KLHL1: variants seen among roughly 807,000 people sequenced by gnomAD.
The protein encoded by KLHL1 is kelch like family member 1.
A neutral mutation model predicts 77.7 loss-of-function variants in KLHL1; 47 were observed. The observed-to-expected ratio is 0.60, with a 90% CI of 0.48 to 0.77. The LOEUF (loss-of-function observed/expected upper bound fraction) is 0.77, where lower values mean the gene tolerates loss of function less well. Ranked by LOEUF, KLHL1 falls within the 30% of genes least tolerant of loss-of-function variation. The pLI, the probability that KLHL1 is intolerant of heterozygous loss-of-function variation, is 0.00. For missense variants in KLHL1, 925 were observed against 910.8 expected (o/e 1.02, Z -0.20); for synonymous variants, 360 against 325.2 (o/e 1.11, Z -1.15).
intron 8 of KLHL1, among the ~76,000 whole-genome samples, chr13:69,737,036 A>G (rs1417656669): frequency 6.6e-6 from 1 of 152,158 alleles, no homozygotes; most frequent in Non-Finnish European, 1.5e-5. Context: ...CAACCCACGG[A>G]AAGTGAGGAA....
rs868657745 is a variant in KLHL1, at chr13:69,740,526, G to A, written c.1670C>T (p.Ala557Val). 1.9e-6 allele frequency: 3 copies of A among 1,611,504 alleles called. No individual in the cohort carries two copies. Among genetic ancestry groups the A allele is most frequent in the Non-Finnish European group, 2.5e-6 (3 of 1,178,238 alleles). ...GCTCCAGCCATCATGGCCTCCCACA[G>A]CATAAATAGGGCCTTCAAGTACTGT... ...GVTVLEGPIYAVGGHDGWSYL... is the reference protein window; with the variant it reads ...GVTVLEGPIYVVGGHDGWSYL... Residue 557 changes from alanine (A) to valine (V), a missense_variant, in exon 8 of 11, where the codon GCT becomes GTT. Transcript: ENST00000377844.
At chr13:70,084,586 G>C (rs1042030257) in intron 1 of KLHL1, among the ~76,000 whole-genome samples, 4 of 129,994 alleles carry the variant, frequency 3.1e-5, no homozygotes, top group Non-Finnish European at 6.3e-5. Context: ...AGCCTCCCGA[G>C]TAGCTGGGAC....
In KLHL1 at chr13:69,701,467, A is replaced by G. The variant is rs756309203; in HGVS notation, c.*235T>C. On this transcript the variant is annotated 3_prime_UTR_variant, in exon 11 of 11. Transcript: ENST00000377844. The stretch of plus-strand genomic sequence containing the variant: ...TGCTATAATACAAAACAAATTACCA[A>G]TAACCATTCCCGAACTAACTAACAT... 9.2e-6 allele frequency: 4 copies of G among 436,554 alleles called. No individual in the cohort carries two copies. The highest frequency in any genetic ancestry group is 8.4e-5 in the East Asian group (2 of 23,676). The allele number at this position is 436,554 out of a possible 1,614,324, so 27.0% of individuals were successfully genotyped here.
chr13:70,057,082 AAAATT>A (rs2137399754), intron 1 of KLHL1, among the ~76,000 whole-genome samples: 2 of 152,304 alleles, frequency 1.3e-5, no homozygotes, highest in African/African-American at 4.8e-5. Context: ...TCAAATAAAT[AAAATT>A]AGAGATAAAA....
chr13:69,780,528 A>C (rs1438402938), intron 7 of KLHL1, among the ~76,000 whole-genome samples: 1 of 151,096 alleles, frequency 6.6e-6, no homozygotes, highest in East Asian at 2.0e-4. Flanking sequence ...CTAAAATTTG[A>C]TTTTCTAGTC....
Position 69,896,037 on chromosome 13 carries a change from A to G in KLHL1, c.1015-13542T>C, listed in dbSNP as rs1263757171. Among the ~76,000 whole-genome samples, 3 of 151,604 alleles carry G rather than the reference A, an allele frequency of 2.0e-5. No individual in the cohort carries two copies. The East Asian group carries it at 5.9e-4, about 30-fold the overall frequency. On this transcript the variant is annotated intron_variant, in intron 4 of 10. Transcript: ENST00000377844. ...AAAATCTGTTTTCAAGCTCATTCAC[A>G]TTGCTGGTAGAATTTGCTTCTATGT...
intron 1 of KLHL1, among the ~76,000 whole-genome samples, chr13:70,076,984 T>C (rs969931113): frequency 1.3e-5 from 2 of 151,944 alleles, no homozygotes; most frequent in Non-Finnish European, 2.9e-5. Flanking sequence ...CAAATTCTAG[T>C]AATGGTGTGG....
intron 5 of KLHL1, among the ~76,000 whole-genome samples, chr13:69,872,061 G>A (rs566943716): frequency 1.3e-5 from 2 of 152,208 alleles, no homozygotes; most frequent in East Asian, 3.9e-4. Flanking sequence ...GACTACCTGA[G>A]GCTAGATAAT....
intron 7 of KLHL1, among the ~76,000 whole-genome samples, chr13:69,787,065 G>A (rs540667993): frequency 4.6e-5 from 7 of 152,196 alleles, no homozygotes; most frequent in East Asian, 3.9e-4. Flanking sequence ...AATCAATATC[G>A]TGAAAATGGC....
intron 7 of KLHL1, among the ~76,000 whole-genome samples, chr13:69,764,627 A>G (rs1030653701): frequency 8.5e-5 from 13 of 152,182 alleles, no homozygotes; most frequent in Non-Finnish European, 1.9e-4. Context: ...AGCCAATGTA[A>G]GCCTTTGGGA....
At chr13:70,042,090 C>G (rs892624188) in intron 1 of KLHL1, among the ~76,000 whole-genome samples, 1 of 151,830 alleles carries the variant, frequency 6.6e-6, no homozygotes, top group African/African-American at 2.4e-5. Flanking sequence ...TTCTTTTTTC[C>G]CCACTTCTTG....
At position 69,932,897 on chromosome 13, in the gene KLHL1, TGTTA is replaced by T. The variant is rs1288041403; in HGVS notation, c.1014+7139_1014+7142del. ...TTTACATAATGGGTAGCAATTGATG[TGTTA>T]ATTAATTTGATTTTATTAATTTGAT... On this transcript the variant is annotated intron_variant, in intron 4 of 10. Transcript: ENST00000377844. Among the ~76,000 whole-genome samples the T allele has an allele frequency of 3.3e-5, 5 of 152,162 alleles. No individual in the cohort carries two copies. In the East Asian group the frequency reaches 9.7e-4, roughly 29 times the overall value.
chr13:69,966,358 A>G (rs1477284376), intron 2 of KLHL1, among the ~76,000 whole-genome samples: 2 of 152,104 alleles, frequency 1.3e-5, no homozygotes, highest in African/African-American at 4.8e-5. Flanking sequence ...CCAGTGCTTT[A>G]GGAATGGAAC....
intron 1 of KLHL1, among the ~76,000 whole-genome samples, chr13:70,054,463 C>A (rs1436689071): frequency 6.6e-6 from 1 of 151,902 alleles, no homozygotes; most frequent in African/African-American, 2.4e-5. Context: ...TGGATATATA[C>A]GTAACATTGA....
Position 70,034,985 on chromosome 13 carries a change from T to C in KLHL1, c.498-59183A>G, listed in dbSNP as rs1593692072. On this transcript the variant is annotated intron_variant, in intron 1 of 10. Coordinates refer to ENST00000377844, the MANE Select transcript of KLHL1 (RefSeq NM_020866.3). ...TGTACAATTTAAATAAAGTGATTTT[T>C]GTAGTTACAAATATTAATATTTGTG... Among the ~76,000 whole-genome samples, 4 of 152,266 alleles carry C rather than the reference T, an allele frequency of 2.6e-5. No homozygotes were observed. The East Asian group carries it at 7.7e-4, about 29-fold the overall frequency.
chr13:70,017,183 G>T (rs138090549), intron 1 of KLHL1, among the ~76,000 whole-genome samples: 2 of 152,330 alleles, frequency 1.3e-5, no homozygotes, highest in Non-Finnish European at 2.9e-5. Context: ...TGAAAGAGCT[G>T]TTACACAAAC....
At chr13:69,707,103 T>C (rs1289581308) in intron 10 of KLHL1, among the ~76,000 whole-genome samples, 9 of 152,054 alleles carry the variant, frequency 5.9e-5, no homozygotes, top group South Asian at 2.1e-4. Context: ...ATTCTTTTAA[T>C]TGAACTGGGA....
chr13:69,847,275 A>G (rs976728164), intron 5 of KLHL1, among the ~76,000 whole-genome samples: 4 of 151,548 alleles, frequency 2.6e-5, no homozygotes, highest in African/African-American at 9.6e-5. Context: ...CTTGTATTAC[A>G]GACAACCTTC....
At chr13:69,730,537 A>G (rs1873495693) in intron 8 of KLHL1, among the ~76,000 whole-genome samples, 1 of 152,152 alleles carries the variant, frequency 6.6e-6, no homozygotes, top group Non-Finnish European at 1.5e-5. Flanking sequence ...ATTATCCTCT[A>G]TTAGAATTAT....
Sources: allele counts gnomAD v4.1 joint callset (sites outside exome capture counted in the v4.1 genomes callset), GRCh38; gene constraint gnomAD v4.1.1; transcripts MANE v1.5; gene names NCBI Gene and HGNC (gene_info 2026-07-23, HGNC 2026-07-21).